Variants in DIAPH2 observed in about 807,000 individuals in gnomAD.
DIAPH2 encodes diaphanous related formin 2.
In DIAPH2, 35 loss-of-function variants were observed where a neutral mutation model predicts 92.7. That is an observed-to-expected ratio of 0.38 (90% CI 0.29 to 0.50). The LOEUF (loss-of-function observed/expected upper bound fraction) is 0.50. Among genes scored for constraint, DIAPH2 ranks in the 20% least tolerant of loss-of-function variants. DIAPH2 has a pLI of 0.94. For synonymous variants in DIAPH2, 301 were observed against 280.4 expected, an observed-to-expected ratio of 1.07 and a Z score of -0.73; for missense variants, 701 against 819.5, an observed-to-expected ratio of 0.86 and a Z score of 1.77.
chrX:97,413,182 C>T (rs1443793252), intron 25 of DIAPH2, among the ~76,000 whole-genome samples: 1 of 111,525 alleles, frequency 9.0e-6, no homozygotes, highest in Non-Finnish European at 1.9e-5. Context: ...CCGAATCCAG[C>T]AGCACACCAA....
chrX:96,841,283 A>G (rs1279314190), intron 4 of DIAPH2, among the ~76,000 whole-genome samples: 1 of 112,305 alleles, frequency 8.9e-6, no homozygotes, highest in African/African-American at 3.2e-5. Flanking sequence ...CAAGCCCATC[A>G]TGTGAGTGTT....
intron 17 of DIAPH2, among the ~76,000 whole-genome samples, chrX:96,971,658 T>A (rs1396168146): frequency 1.8e-5 from 2 of 111,774 alleles, no homozygotes; most frequent in Non-Finnish European, 3.8e-5. Flanking sequence ...CTGAGAATGC[T>A]TTATTTTCAT....
chrX:96,738,916 T>C (rs2064103263), intron 3 of DIAPH2, among the ~76,000 whole-genome samples, 154 bp downstream of exon 3: 1 of 109,477 alleles, frequency 9.1e-6, no homozygotes, highest in African/African-American at 3.3e-5. Context: ...AAAAGTATCC[T>C]TTTTTTTTCT....
intron 20 of DIAPH2, among the ~76,000 whole-genome samples, chrX:97,114,055 C>T (rs2147378353): frequency 8.9e-6 from 1 of 111,983 alleles, no homozygotes; most frequent in South Asian, 3.7e-4. Context: ...CAAAGTTGAA[C>T]TGTATTGAAG....
At chrX:96,731,372 A>G (rs2064054435) in intron 1 of DIAPH2, among the ~76,000 whole-genome samples, 1 of 111,802 alleles carries the variant, frequency 8.9e-6, no homozygotes, top group African/African-American at 3.3e-5. Flanking sequence ...CTCTATTGTA[A>G]TGGCCAACTT....
intron 5 of DIAPH2, among the ~76,000 whole-genome samples, chrX:96,888,244 A>G (rs2065277992): frequency 1.8e-5 from 2 of 108,551 alleles, no homozygotes; most frequent in South Asian, 8.0e-4. Context: ...TATTTTTAGT[A>G]AAGACGGGGT....
rs568341422 is a variant in DIAPH2 at position 96,976,507 on chromosome X, GT to G, written c.2050+11310del. Among the ~76,000 whole-genome samples, 155 of 104,671 alleles carry G rather than the reference GT, an allele frequency of 1.5e-3. 1 individual carries two copies. Among genetic ancestry groups the G allele is most frequent in the African/African-American group, 4.2e-3 (122 of 28,863 alleles). 90.9% of individuals were successfully genotyped at this position (104,671 alleles called of 115,157 possible). ...TTTTTGTATATCACTTTACCAAAGT[GT>G]TTTTTTTTTCATTATGGACATTTTA... On this transcript the variant is annotated intron_variant, in intron 17 of 26. Coordinates refer to ENST00000324765, the MANE Select transcript of DIAPH2 (RefSeq NM_006729.5).
chrX:97,039,332 T>G (rs1212695638), intron 17 of DIAPH2, among the ~76,000 whole-genome samples: 1 of 111,548 alleles, frequency 9.0e-6, no homozygotes, highest in Admixed American at 9.6e-5. Context: ...TTTTTGCAGT[T>G]TGCAATTTTT....
At chrX:96,991,951 G>A (rs2066075249) in intron 17 of DIAPH2, among the ~76,000 whole-genome samples, 1 of 110,692 alleles carries the variant, frequency 9.0e-6, no homozygotes, top group Non-Finnish European at 1.9e-5. Flanking sequence ...TATCTAGCAT[G>A]CATTGATGAA....
At chrX:97,320,572 A>T (rs967696745) in intron 23 of DIAPH2, among the ~76,000 whole-genome samples, 1 of 109,850 alleles carries the variant, frequency 9.1e-6, no homozygotes, top group Admixed American at 9.8e-5. Flanking sequence ...AAAATTACCC[A>T]CACGTGGTGG....
chrX:97,109,864 C>G (rs1490007118), intron 20 of DIAPH2, among the ~76,000 whole-genome samples: 1 of 111,455 alleles, frequency 9.0e-6, no homozygotes, highest in African/African-American at 3.3e-5. Context: ...ATGTATCAAA[C>G]CTTGTTGTAG....
At chrX:97,497,341 C>T (rs891564755) in intron 26 of DIAPH2, among the ~76,000 whole-genome samples, 2 of 110,907 alleles carry the variant, frequency 1.8e-5, no homozygotes, top group Non-Finnish European at 3.8e-5. Context: ...CCTGTGTGTG[C>T]TGCCCCCACC....
At chrX:97,529,762 T>C (rs1376983959) in intron 26 of DIAPH2, among the ~76,000 whole-genome samples, 1 of 111,144 alleles carries the variant, frequency 9.0e-6, no homozygotes, top group East Asian at 2.8e-4. Context: ...CAAATATTCC[T>C]GAAAGAAGAA....
At chrX:97,161,418 T>TC (rs1386275140) in intron 22 of DIAPH2, among the ~76,000 whole-genome samples, 1 of 110,997 alleles carries the variant, frequency 9.0e-6, no homozygotes, top group Non-Finnish European at 1.9e-5. Context: ...TGTTTTTTTT[T>TC]CTTGAGAAGT....
At chrX:97,077,090 G>A (rs1484324839) in intron 19 of DIAPH2, among the ~76,000 whole-genome samples, 1 of 111,680 alleles carries the variant, frequency 9.0e-6, no homozygotes, top group Non-Finnish European at 1.9e-5. Context: ...ACTTGGGTAC[G>A]GGTGTAGGGC....
chrX:97,516,643 T>C (rs1227259414), intron 26 of DIAPH2, among the ~76,000 whole-genome samples: 3 of 112,374 alleles, frequency 2.7e-5, no homozygotes, highest in East Asian at 2.8e-4. Context: ...CCTACAGATA[T>C]TGTGTCATCT....
intron 7 of DIAPH2, 105 bp from the exon 8 acceptor site, chrX:96,916,333 A>G: frequency 2.8e-6 from 2 of 720,818 alleles, no homozygotes; most frequent in Non-Finnish European, 3.8e-6. Context: ...GTAGAACCTC[A>G]TTGTGGGGGT....
intron 23 of DIAPH2, among the ~76,000 whole-genome samples, chrX:97,329,196 A>C (rs1602511851): frequency 8.9e-6 from 1 of 112,491 alleles, no homozygotes; most frequent in Admixed American, 9.5e-5. Context: ...CTGTTCAGTT[A>C]ATATGTGTTT....
At chrX:97,301,289 CTA>C (rs1205773941) in intron 23 of DIAPH2, among the ~76,000 whole-genome samples, 1 of 110,869 alleles carries the variant, frequency 9.0e-6, no homozygotes, top group Non-Finnish European at 1.9e-5. Context: ...GTCATGCCCT[CTA>C]TGATGAGTTT....
Sources: allele counts gnomAD v4.1 joint callset (sites outside exome capture counted in the v4.1 genomes callset), GRCh38; gene constraint gnomAD v4.1.1; transcripts MANE v1.5; gene names NCBI Gene and HGNC (gene_info 2026-07-23, HGNC 2026-07-21).